CACNB2: variants seen among roughly 807,000 people sequenced by gnomAD.
CACNB2 encodes calcium voltage-gated channel auxiliary subunit beta 2, also known as voltage-dependent L-type calcium channel subunit beta-2.
A neutral mutation model predicts 73.3 loss-of-function variants in CACNB2; 42 were observed. That is an observed-to-expected ratio of 0.57 (90% confidence interval 0.45 to 0.74). The LOEUF (loss-of-function observed/expected upper bound fraction) is 0.74, where lower values mean the gene tolerates loss of function less well. Ranked by LOEUF, CACNB2 falls within the 30% of genes least tolerant of loss-of-function variation. The probability of loss-of-function intolerance (pLI) is 0.00; values close to 1 mark genes in which losing one functional copy is unlikely to be tolerated. For missense variants in CACNB2, 940 were observed against 853.0 expected, an observed-to-expected ratio of 1.10 and a Z score of -1.27; for synonymous variants, 348 against 310.3, an observed-to-expected ratio of 1.12 and a Z score of -1.28.
At chr10:18,357,065 C>T (rs527475283) in intron 2 of CACNB2, among the ~76,000 whole-genome samples, 49 of 150,082 alleles carry the variant, frequency 3.3e-4, no homozygotes, top group Non-Finnish European at 6.2e-4. Context: ...CTGCCTCAGC[C>T]TCCCGTGTAG....
chr10:18,345,390 G>A (rs898800737), intron 2 of CACNB2, among the ~76,000 whole-genome samples: 4 of 152,088 alleles, frequency 2.6e-5, no homozygotes, highest in Non-Finnish European at 2.9e-5. Flanking sequence ...TCTGTTTAGT[G>A]GATTACTACT....
chr10:18,160,209 T>G (rs2032356737), intron 2 of CACNB2, among the ~76,000 whole-genome samples: 1 of 152,204 alleles, frequency 6.6e-6, no homozygotes, highest in African/African-American at 2.4e-5. Flanking sequence ...GAAAAAATCT[T>G]CCTCATTCAT....
intron 7 of CACNB2, chr10:18,514,900 T>G (rs1238709331): frequency 1.1e-6 from 1 of 909,564 alleles, no homozygotes; most frequent in East Asian, 2.5e-5. Context: ...TGACTTATGA[T>G]ATCCAGATAC....
intron 3 of CACNB2, among the ~76,000 whole-genome samples, chr10:18,438,671 G>C (rs532606676): frequency 1.6e-4 from 25 of 152,360 alleles, no homozygotes; most frequent in Admixed American, 3.3e-4. Context: ...TCTGCTCACA[G>C]TTCTGTTAGA....
intron 2 of CACNB2, among the ~76,000 whole-genome samples, chr10:18,284,819 G>T (rs2038715860): frequency 6.6e-6 from 1 of 152,236 alleles, no homozygotes; most frequent in South Asian, 2.1e-4. Flanking sequence ...TATATAGAAT[G>T]CATTTCTTGT....
In CACNB2 at chr10:18,300,613, C is replaced by T. The variant is rs187068241; in HGVS notation, c.214-101311C>T. On this transcript the variant is annotated intron_variant, in intron 2 of 13. Transcript: ENST00000324631. ...TGGCAATTAACACCTTTAAAAAATGCAATCTGACGGGTGAATCACGAGGTC... is the reference window on the plus strand; with the variant it reads ...TGGCAATTAACACCTTTAAAAAATGTAATCTGACGGGTGAATCACGAGGTC... 3.3e-5 allele frequency among the ~76,000 whole-genome samples: 5 copies of T among 152,242 alleles called. No homozygotes were observed. In the East Asian group the frequency reaches 5.8e-4, roughly 18 times the overall value.
intron 2 of CACNB2, among the ~76,000 whole-genome samples, chr10:18,203,617 T>C (rs2034975776): frequency 6.6e-6 from 1 of 152,144 alleles, no homozygotes; most frequent in African/African-American, 2.4e-5. Flanking sequence ...TGTGTGTATA[T>C]ACATAGAGAA....
chr10:18,249,303 C>A (rs1304471027), intron 2 of CACNB2, among the ~76,000 whole-genome samples: 1 of 152,174 alleles, frequency 6.6e-6, no homozygotes, highest in Non-Finnish European at 1.5e-5. Flanking sequence ...TTGGCCCAAC[C>A]AAGGACTTTG....
chr10:18,306,615 T>G (rs147824878), intron 2 of CACNB2, among the ~76,000 whole-genome samples: 1 of 152,166 alleles, frequency 6.6e-6, no homozygotes, highest in East Asian at 1.9e-4. Context: ...TAAAGTGTTA[T>G]GTATGGACAT....
chr10:18,228,445 A>AAAAAAAAAAAGAAAAG (rs1359204235), intron 2 of CACNB2, among the ~76,000 whole-genome samples: 1 of 148,160 alleles, frequency 6.7e-6, no homozygotes, highest in African/African-American at 2.5e-5. Context: ...AAAAAAAAAA[A>AAAAAAAAAAAGAAAAG]AAAAGAAAAA....
In CACNB2 at chr10:18,192,791, C is replaced by G. The variant is rs139295368; in HGVS notation, c.213+41816C>G. Among the ~76,000 whole-genome samples, 1,157 of 152,166 alleles carry G rather than the reference C, an allele frequency of 7.6e-3. 9 individuals carry two copies. The highest frequency in any genetic ancestry group is 0.025 in the African/African-American group (1,039 of 41,504). ...TTATGTAGCGTAATTTTTTAAAGGACCACCCACATTGCAGCCATACTTCAT... is the reference window on the plus strand; with the variant it reads ...TTATGTAGCGTAATTTTTTAAAGGAGCACCCACATTGCAGCCATACTTCAT... On this transcript the variant is annotated intron_variant, in intron 2 of 13. Coordinates refer to ENST00000324631, the MANE Select transcript of CACNB2 (RefSeq NM_201596.3).
At chr10:18,528,759 T>C (rs2052720116) in intron 10 of CACNB2, among the ~76,000 whole-genome samples, 1 of 152,264 alleles carries the variant, frequency 6.6e-6, no homozygotes, top group Non-Finnish European at 1.5e-5. Flanking sequence ...GTTTTGCTTA[T>C]AGCAATTCCT....
intron 1 of CACNB2, among the ~76,000 whole-genome samples, chr10:18,146,283 C>T (rs1163630746): frequency 1.3e-5 from 2 of 148,426 alleles, no homozygotes; most frequent in Non-Finnish European, 3.0e-5. Flanking sequence ...TCAATGAATA[C>T]GAACTGAGAG....
chr10:18,351,331 A>G (rs1443675296), intron 2 of CACNB2, among the ~76,000 whole-genome samples: 1 of 152,212 alleles, frequency 6.6e-6, no homozygotes, highest in Non-Finnish European at 1.5e-5. Flanking sequence ...ATAAAGTATC[A>G]TAAGGCAAGA....
intron 2 of CACNB2, among the ~76,000 whole-genome samples, chr10:18,236,107 C>T (rs7082483): frequency 0.15 from 23,262 of 152,066 alleles, 4,379 homozygotes; most frequent in African/African-American, 0.45. Flanking sequence ...AAACCTCTTT[C>T]CTTTATAAAT....
intron 3 of CACNB2, among the ~76,000 whole-genome samples, chr10:18,427,317 A>G (rs1419960720): frequency 6.6e-6 from 1 of 151,648 alleles, no homozygotes. Flanking sequence ...GATAAACAAC[A>G]TTTTCATGAT....
chr10:18,189,666 C>T (rs573429654), intron 2 of CACNB2, among the ~76,000 whole-genome samples: 1 of 152,208 alleles, frequency 6.6e-6, no homozygotes, highest in East Asian at 1.9e-4. Context: ...AAAAGTAGTG[C>T]AATGGTGAGC....
chr10:18,227,944 G>A (rs536269574), intron 2 of CACNB2, among the ~76,000 whole-genome samples: 1 of 152,272 alleles, frequency 6.6e-6, no homozygotes, highest in South Asian at 2.1e-4. Flanking sequence ...TGATGATTGA[G>A]AGAGTGAGAA....
chr10:18,350,193 C>T (rs933018896), intron 2 of CACNB2, among the ~76,000 whole-genome samples: 5 of 151,938 alleles, frequency 3.3e-5, no homozygotes, highest in African/African-American at 9.7e-5. Context: ...TGCAGTGAGC[C>T]GAGATTGTGC....
Sources: allele counts gnomAD v4.1 joint callset (sites outside exome capture counted in the v4.1 genomes callset), GRCh38; gene constraint gnomAD v4.1.1; transcripts MANE v1.5; gene names NCBI Gene and HGNC (gene_info 2026-07-23, HGNC 2026-07-21).